The following ANGPT2 variants were observed in gnomAD, a reference collection of about 807,000 sequenced individuals.
ANGPT2 encodes angiopoietin-2.
Under a neutral mutation model 62.9 loss-of-function variants are expected in ANGPT2, and 28 were observed. The ratio of observed to expected loss-of-function variants is 0.44; its 90% CI spans 0.33 to 0.61. The LOEUF (loss-of-function observed/expected upper bound fraction) is 0.61. Among genes scored for constraint, ANGPT2 ranks in the 20% least tolerant of loss-of-function variants. ANGPT2 has a pLI of 0.03. For synonymous variants in ANGPT2, 284 were observed against 207.8 expected (o/e 1.37, Z -3.15); for missense variants, 727 against 594.9 (o/e 1.22, Z -2.31).
intron 2 of ANGPT2, among the ~76,000 whole-genome samples, chr8:6,531,764 T>C (rs1461078283): frequency 6.7e-6 from 1 of 150,100 alleles, no homozygotes; most frequent in African/African-American, 2.5e-5. Flanking sequence ...GTGGCGGACC[T>C]GGAGCCATGG....
At chr8:6,512,444 T>C (rs1815350136) in intron 7 of ANGPT2, among the ~76,000 whole-genome samples, 2 of 152,198 alleles carry the variant, frequency 1.3e-5, no homozygotes, top group African/African-American at 2.4e-5. Context: ...GTTTTTGTGA[T>C]GTTCGTGTTG....
chr8:6,541,426 C>A (rs2129573865), intron 1 of ANGPT2, among the ~76,000 whole-genome samples: 1 of 152,194 alleles, frequency 6.6e-6, no homozygotes, highest in Admixed American at 6.5e-5. Context: ...AGAGGAAAAG[C>A]AGTGCTCTGA....
rs537545404 is a variant in ANGPT2 at position 6,563,007 on chromosome 8, C to A, written c.-73G>T. On this transcript the variant is annotated 5_prime_UTR_variant, in exon 1 of 9. Transcript: ENST00000629816. ...ACACGTCCAGAGTCCCGAGCTGCTG[C>A]CGTCTAAAACGCAGGGCTGCTACGC... 4.0e-5 allele frequency: 60 copies of A among 1,487,320 alleles called. No individual in the cohort carries two copies. The African/African-American group carries it at 7.4e-4, about 18-fold the overall frequency. 92.1% of individuals were successfully genotyped at this position (1,487,320 alleles called of 1,614,324 possible).
chr8:6,536,215 C>T (rs1446671181), intron 1 of ANGPT2, among the ~76,000 whole-genome samples: 2 of 152,106 alleles, frequency 1.3e-5, no homozygotes, highest in Non-Finnish European at 2.9e-5. Flanking sequence ...ACACTAGCGA[C>T]AGGAACAGCC....
chr8:6,509,710 T>G (rs751573048), intron 7 of ANGPT2, among the ~76,000 whole-genome samples: 3 of 152,242 alleles, frequency 2.0e-5, no homozygotes, highest in Non-Finnish European at 4.4e-5. Flanking sequence ...AAGCCCATTT[T>G]CTGTTGAAAA....
In ANGPT2 at chr8:6,540,878, C is replaced by G. The variant is rs140464110; in HGVS notation, c.289-8391G>C. Among the ~76,000 whole-genome samples the G allele has an allele frequency of 2.8e-3, 428 of 152,368 alleles. 9 individuals are homozygous for G. In the East Asian group the frequency reaches 0.063, roughly 22 times the overall value. On this transcript the variant is annotated intron_variant, in intron 1 of 8. Transcript: ENST00000629816. ...ACTCAGGCGGCCACCGCCGCGCTGG[C>G]TGGTAAGAAGCCCCACAGGATCTCC...
At chr8:6,520,738 A>C (rs150527758) in intron 4 of ANGPT2, among the ~76,000 whole-genome samples, 294 of 152,340 alleles carry the variant, frequency 1.9e-3, no homozygotes, top group African/African-American at 7.0e-3. Context: ...TGAAACAATA[A>C]TAAGGAAGGC....
chr8:6,507,690 C>G (rs959137546), intron 8 of ANGPT2: 2 of 150,962 alleles, frequency 1.3e-5, no homozygotes, highest in African/African-American at 4.9e-5. Flanking sequence ...CATTCTCCTG[C>G]CTGAGCCTCC....
At chr8:6,550,058 C>G (rs1468149260) in intron 1 of ANGPT2, among the ~76,000 whole-genome samples, 1 of 152,198 alleles carries the variant, frequency 6.6e-6, no homozygotes, top group Non-Finnish European at 1.5e-5. Context: ...GCTGTCAGCA[C>G]TGATGTTGCC....
At chr8:6,514,512 T>G (rs2916736) in intron 6 of ANGPT2, among the ~76,000 whole-genome samples, 165 bp downstream of exon 6, 55,154 of 152,034 alleles carry the variant, frequency 0.36, 10,204 homozygotes, top group Middle Eastern at 0.48. Flanking sequence ...TGATACAGTT[T>G]ACCTTATATT....
intron 1 of ANGPT2, among the ~76,000 whole-genome samples, chr8:6,555,047 A>T (rs1178214066): frequency 6.6e-6 from 1 of 152,310 alleles, no homozygotes; most frequent in Admixed American, 6.5e-5. Context: ...TAAACCACAC[A>T]TAAAACAGTC....
At chr8:6,559,263 A>G (rs539006679) in intron 1 of ANGPT2, among the ~76,000 whole-genome samples, 1 of 151,936 alleles carries the variant, frequency 6.6e-6, no homozygotes, top group East Asian at 1.9e-4. Flanking sequence ...ACACACACAG[A>G]GTCCCTAGCA....
At chr8:6,550,126 C>G (rs1398821239) in intron 1 of ANGPT2, among the ~76,000 whole-genome samples, 2 of 152,220 alleles carry the variant, frequency 1.3e-5, no homozygotes, top group Non-Finnish European at 2.9e-5. Flanking sequence ...TTTATACCAA[C>G]TATCGTGCCT....
intron 1 of ANGPT2, among the ~76,000 whole-genome samples, chr8:6,536,181 A>C (rs1411686098): frequency 1.3e-5 from 2 of 152,202 alleles, no homozygotes; most frequent in African/African-American, 2.4e-5. Context: ...AACAAGGAAG[A>C]ATACTGTATA....
At chr8:6,530,779 C>T (rs563612090) in intron 2 of ANGPT2, among the ~76,000 whole-genome samples, 1 of 152,114 alleles carries the variant, frequency 6.6e-6, no homozygotes, top group Non-Finnish European at 1.5e-5. Flanking sequence ...GTTAATCTAT[C>T]ATTTCACTAC....
intron 1 of ANGPT2, among the ~76,000 whole-genome samples, chr8:6,535,382 A>G (rs1438816115): frequency 1.3e-5 from 2 of 152,212 alleles, no homozygotes; most frequent in African/African-American, 4.8e-5. Context: ...TTAAAAAATA[A>G]AATTTCTTAA....
intron 1 of ANGPT2, among the ~76,000 whole-genome samples, chr8:6,561,333 C>A (rs944770986): frequency 2.0e-5 from 3 of 152,192 alleles, no homozygotes; most frequent in Non-Finnish European, 4.4e-5. Context: ...TTTTAAATGA[C>A]TCCTCTTGAC....
chr8:6,533,313 C>T (rs1409009435), intron 1 of ANGPT2, among the ~76,000 whole-genome samples: 1 of 152,186 alleles, frequency 6.6e-6, no homozygotes, highest in African/African-American at 2.4e-5. Context: ...CTGTCTATGG[C>T]AGTAAAATTA....
chr8:6,505,424 A>AAGAATATATATATTCTTTATATACATAT (rs1563307033), intron 8 of ANGPT2, among the ~76,000 whole-genome samples: 2 of 67,590 alleles, frequency 3.0e-5, no homozygotes, highest in African/African-American at 4.7e-5. Flanking sequence ...TATATACATA[A>AAGAATATATATATTCTTTATATACATAT]AGAATATATA....
Sources: allele counts gnomAD v4.1 joint callset (sites outside exome capture counted in the v4.1 genomes callset), GRCh38; gene constraint gnomAD v4.1.1; transcripts MANE v1.5; gene names NCBI Gene and HGNC (gene_info 2026-07-23, HGNC 2026-07-21).